Variants in RCL1 observed in about 807,000 individuals in gnomAD.
RCL1 encodes the protein RNA terminal phosphate cyclase like 1.
RCL1 carries 24 observed loss-of-function variants against 42.4 expected under a neutral mutation model. The observed-to-expected ratio is 0.57, with a 90% CI of 0.41 to 0.80. The LOEUF is 0.80. RCL1 is among the 30% of genes least tolerant of loss of function. The pLI is 0.00. For synonymous variants in RCL1, 228 were observed against 177.3 expected, an observed-to-expected ratio of 1.29 and a Z score of -2.27; for missense variants, 578 against 467.9, an observed-to-expected ratio of 1.24 and a Z score of -2.17.
At chr9:4,817,029 G>A (rs1458485525) in intron 1 of RCL1, among the ~76,000 whole-genome samples, 1 of 152,170 alleles carries the variant, frequency 6.6e-6, no homozygotes, top group African/African-American at 2.4e-5. Context: ...GTGTTAGCCA[G>A]GATGGTCTCA....
chr9:4,811,112 C>T (rs1206483881), intron 1 of RCL1, among the ~76,000 whole-genome samples: 1 of 151,794 alleles, frequency 6.6e-6, no homozygotes, highest in Non-Finnish European at 1.5e-5. Flanking sequence ...ACCCCATCTC[C>T]ACAAAAATAA....
intron 1 of RCL1, among the ~76,000 whole-genome samples, chr9:4,797,689 A>G (rs1367260774): frequency 6.6e-6 from 1 of 152,120 alleles, no homozygotes. Flanking sequence ...TAGTAATTAA[A>G]CCTTTTCTTT....
At position 4,860,158 on chromosome 9, in the gene RCL1, C is replaced by G; in HGVS notation, c.1005C>G (p.Phe335Leu). The G allele has an allele frequency of 6.3e-7, 1 of 1,593,386 alleles. No individual in the cohort carries two copies. The highest frequency in any genetic ancestry group is 8.5e-7 in the Non-Finnish European group (1 of 1,172,322). The change falls in exon 9 of 9, where the codon TTC (phenylalanine) becomes TTG (leucine). Residue 335 changes from phenylalanine (F) to leucine (L), a missense_variant. By Grantham distance (22) the Phe-to-Leu change is conservative. Coordinates refer to ENST00000381750, the MANE Select transcript of RCL1 (RefSeq NM_005772.5). ...TTTTGCGGCATTTGAAGAGCTTTTT[C>G]CAGATTATGTTTAAAATTGAAACCA... ...IEFLRHLKSFFQIMFKIETKP... is the reference protein window; with the variant it reads ...IEFLRHLKSFLQIMFKIETKP...
intron 7 of RCL1, among the ~76,000 whole-genome samples, chr9:4,845,874 G>C (rs942127842): frequency 3.3e-5 from 5 of 152,202 alleles, no homozygotes; most frequent in African/African-American, 7.2e-5. Flanking sequence ...GTATTGTTCT[G>C]TGTATTTCTT....
At chr9:4,826,708 G>C (rs1816775242) in intron 2 of RCL1, 150 bp from the exon 3 acceptor site, 2 of 672,044 alleles carry the variant, frequency 3.0e-6, no homozygotes, top group African/African-American at 3.6e-5. Flanking sequence ...TCAGCTTTTG[G>C]AGCGAAGTGT....
At chr9:4,832,928 C>G (rs575430244) in intron 3 of RCL1, among the ~76,000 whole-genome samples, 2 of 151,222 alleles carry the variant, frequency 1.3e-5, no homozygotes, top group Non-Finnish European at 2.9e-5. Context: ...AGGTGTTGGT[C>G]TCCATGTCAT....
rs536224181 is a variant in RCL1, at chr9:4,808,128, T to C, written c.136+14901T>C. ...TGCTGATTTTTCTGTCTAGTTCTATTGATTATTGAGAGAGGGGTCGCTGAC... is the reference window on the plus strand; with the variant it reads ...TGCTGATTTTTCTGTCTAGTTCTATCGATTATTGAGAGAGGGGTCGCTGAC... On this transcript the variant is annotated intron_variant, in intron 1 of 8. Transcript: ENST00000381750. 2.8e-4 allele frequency among the ~76,000 whole-genome samples: 43 copies of C among 152,262 alleles called. 1 individual carries two copies. The highest frequency in any genetic ancestry group is 9.6e-4 in the African/African-American group (40 of 41,550).
intron 5 of RCL1, 142 bp downstream of exon 5, chr9:4,834,407 A>C: frequency 3.6e-6 from 3 of 838,416 alleles, no homozygotes; most frequent in Non-Finnish European, 5.2e-6. Flanking sequence ...GTGAAATTGT[A>C]ATTGCTGGCT....
At chr9:4,837,887 G>C (rs1312762885) in intron 5 of RCL1, among the ~76,000 whole-genome samples, 1 of 152,178 alleles carries the variant, frequency 6.6e-6, no homozygotes, top group Non-Finnish European at 1.5e-5. Context: ...ATATATCTCT[G>C]ACTGGTTGAG....
intron 1 of RCL1, among the ~76,000 whole-genome samples, chr9:4,822,962 A>C (rs562755935): frequency 3.5e-4 from 54 of 152,340 alleles, no homozygotes; most frequent in African/African-American, 1.3e-3. Context: ...CTGTACATTC[A>C]AACACCCTTT....
At chr9:4,815,408 A>G (rs532135900) in intron 1 of RCL1, among the ~76,000 whole-genome samples, 17 of 149,352 alleles carry the variant, frequency 1.1e-4, no homozygotes, top group African/African-American at 4.2e-4. Flanking sequence ...GTTCTATTAT[A>G]TTTATTTCAT....
At chr9:4,833,032 G>C in intron 3 of RCL1, 122 bp from the exon 4 acceptor site, 1 of 680,804 alleles carries the variant, frequency 1.5e-6, no homozygotes, top group East Asian at 2.8e-5. Context: ...TTATATGCCA[G>C]CATCCTTTCT....
In RCL1 at chr9:4,800,277, C is replaced by T. The variant is rs1024563212; in HGVS notation, c.136+7050C>T. Among the ~76,000 whole-genome samples, 5 of 151,854 alleles carry T rather than the reference C, an allele frequency of 3.3e-5. No homozygotes were observed. The East Asian group carries it at 5.8e-4, about 18-fold the overall frequency. On this transcript the variant is annotated intron_variant, in intron 1 of 8. Transcript: ENST00000381750. ...TTGCCCAGGCTGGAGTGCAGTGGCA[C>T]GATCTTGGCTCACTGCACCCTCCCA... is the stretch of plus-strand genomic sequence containing the variant.
At chr9:4,843,508 C>T (rs1371739936) in intron 6 of RCL1, among the ~76,000 whole-genome samples, 1 of 151,976 alleles carries the variant, frequency 6.6e-6, no homozygotes, top group Non-Finnish European at 1.5e-5. Flanking sequence ...TTGAAATAGG[C>T]CTGATAACAC....
chr9:4,851,547 T>C (rs569815512), intron 8 of RCL1, among the ~76,000 whole-genome samples: 2 of 152,330 alleles, frequency 1.3e-5, no homozygotes, highest in African/African-American at 4.8e-5. Context: ...GTGAGTACAG[T>C]TGAGGATAAA....
chr9:4,851,103 C>T (rs973940094), intron 8 of RCL1, among the ~76,000 whole-genome samples: 1 of 152,104 alleles, frequency 6.6e-6, no homozygotes, highest in Non-Finnish European at 1.5e-5. Context: ...TGCAGAGATG[C>T]TCAAGATATG....
rs56709677 is a variant in RCL1 at position 4,855,072 on chromosome 9, A to AAAAAAAAAAAC, written c.972-5052_972-5051insAAAAAAAAACA. Among the ~76,000 whole-genome samples, 8 of 140,626 alleles carry AAAAAAAAAAAC rather than the reference A, an allele frequency of 5.7e-5. 1 individual carries two copies. The highest frequency in any genetic ancestry group is 2.3e-4 in the South Asian group (1 of 4,262). 92.3% of individuals were successfully genotyped at this position (140,626 alleles called of 152,430 possible). Reference sequence around the variant, plus strand: ...CGTCTCAAAAAAAAAAAAAAAAAAAAATAGGAAAAGTTATCTCTGTGCTCC... The same window carrying AAAAAAAAAAAC: ...CGTCTCAAAAAAAAAAAAAAAAAAAAAAAAAAAAAACATAGGAAAAGTTATCTCTGTGCTCC... On this transcript the variant is annotated intron_variant, in intron 8 of 8. Coordinates refer to ENST00000381750, the MANE Select transcript of RCL1 (RefSeq NM_005772.5).
Position 4,800,079 on chromosome 9 carries a change from G to A in RCL1, c.136+6852G>A, listed in dbSNP as rs143970024. On this transcript the variant is annotated intron_variant, in intron 1 of 8. Coordinates refer to ENST00000381750, the MANE Select transcript of RCL1 (RefSeq NM_005772.5). ...GTTTTTATCAAGTTTGTTCCCTTTT[G>A]TTGCTGAGTAGTATTTCATGGTATG... is the stretch of plus-strand genomic sequence containing the variant. Among the ~76,000 whole-genome samples, 148 of 152,090 alleles carry A rather than the reference G, an allele frequency of 9.7e-4. 2 individuals are homozygous for A. The highest frequency in any genetic ancestry group is 3.4e-3 in the African/African-American group (139 of 41,480).
chr9:4,798,870 GACT>G lies in RCL1; in HGVS notation c.136+5644_136+5646del, dbSNP rs1168823229. On this transcript the variant is annotated intron_variant, in intron 1 of 8. Coordinates refer to ENST00000381750, the MANE Select transcript of RCL1 (RefSeq NM_005772.5). Reference sequence around the variant, plus strand: ...GATGATTTTTGGCTGCCCAAAATAAGACTTCTTCTTTTTTTTTTTTTTTTTTTA... The same window carrying G: ...GATGATTTTTGGCTGCCCAAAATAAGTCTTCTTTTTTTTTTTTTTTTTTTA... 1.0e-3 allele frequency among the ~76,000 whole-genome samples: 130 copies of G among 130,012 alleles called. 2 individuals are homozygous for G. The highest frequency in any genetic ancestry group is 3.5e-3 in the African/African-American group (121 of 34,906). The allele number at this position is 130,012 out of a possible 152,430, so 85.3% of individuals were successfully genotyped here. A position where few individuals can be genotyped will look rare whatever the true frequency, so the allele number is the denominator to read the frequency against.
Sources: gnomAD v4.1 joint callset for allele counts (sites outside exome capture counted in the v4.1 genomes callset) on GRCh38, gnomAD v4.1.1 for gene constraint, MANE v1.5 for transcripts, NCBI Gene and HGNC (gene_info 2026-07-23, HGNC 2026-07-21) for gene names.